TLK1: variants seen among roughly 807,000 people sequenced by gnomAD.
TLK1 encodes the protein serine/threonine-protein kinase tousled-like 1.
TLK1 carries 24 observed loss-of-function variants against 105.3 expected under a neutral mutation model. The ratio of observed to expected loss-of-function variants is 0.23; its 90% confidence interval spans 0.17 to 0.32. The LOEUF is 0.32. Among genes scored for constraint, TLK1 ranks in the 10% least tolerant of loss-of-function variants. The pLI is 1.00. For missense variants in TLK1, 558 were observed against 910.5 expected (o/e 0.61, Z 4.98); for synonymous variants, 321 against 310.4 (o/e 1.03, Z -0.36).
At chr2:171,118,801 A>G (rs190695665) in intron 1 of TLK1, among the ~76,000 whole-genome samples, 1 of 152,270 alleles carries the variant, frequency 6.6e-6, no homozygotes, top group East Asian at 1.9e-4. Flanking sequence ...CCCCTTCCAC[A>G]CATCCTGACA....
intron 2 of TLK1, among the ~76,000 whole-genome samples, chr2:171,098,645 T>C (rs1047642396): frequency 2.6e-5 from 4 of 152,150 alleles, no homozygotes; most frequent in African/African-American, 7.2e-5. Flanking sequence ...TATTACCTGA[T>C]AGTGAAACCA....
chr2:171,151,409 G>A (rs910137742), intron 1 of TLK1, among the ~76,000 whole-genome samples: 1 of 150,866 alleles, frequency 6.6e-6, no homozygotes, highest in African/African-American at 2.4e-5. Flanking sequence ...GTTAGGAGAA[G>A]CAAATGAATT....
intron 3 of TLK1, among the ~76,000 whole-genome samples, chr2:171,070,544 T>C (rs1045446489): frequency 6.6e-6 from 1 of 152,190 alleles, no homozygotes; most frequent in Non-Finnish European, 1.5e-5. Flanking sequence ...TTTCTGTGCC[T>C]GGCTTATTTC....
intron 1 of TLK1, among the ~76,000 whole-genome samples, chr2:171,172,452 A>G (rs1339435738): frequency 6.6e-6 from 1 of 152,178 alleles, no homozygotes; most frequent in Non-Finnish European, 1.5e-5. Flanking sequence ...CACACACACA[A>G]TACAAAATTA....
chr2:171,117,536 C>T lies in TLK1; in HGVS notation c.258+203G>A, dbSNP rs571517566. 4.6e-5 allele frequency among the ~76,000 whole-genome samples: 7 copies of T among 152,168 alleles called. 1 individual carries two copies. Among genetic ancestry groups the T allele is most frequent in the Admixed American group, 3.9e-4 (6 of 15,290 alleles). On this transcript the variant is annotated intron_variant, in intron 2 of 20. Transcript: ENST00000431350. ...ACAATCTACCAAACTCCTTTTTATC[C>T]CTGAAACATATTATGCTGTATTATA...
intron 3 of TLK1, chr2:171,066,778 T>A: frequency 6.6e-7 from 1 of 1,507,046 alleles, no homozygotes; most frequent in Non-Finnish European, 9.0e-7. Flanking sequence ...TAAGGCTTTA[T>A]TTGTTAAACA....
intron 1 of TLK1, among the ~76,000 whole-genome samples, chr2:171,155,045 C>A (rs1692181329): frequency 6.6e-6 from 1 of 152,054 alleles, no homozygotes; most frequent in Admixed American, 6.6e-5. Context: ...AATTTAAATT[C>A]TTCATTTTAT....
rs917596270 is a variant in TLK1, at chr2:170,999,915, T to C, written c.1905-2092A>G. Among the ~76,000 whole-genome samples, 54 of 152,146 alleles carry C rather than the reference T, an allele frequency of 3.5e-4. 1 individual carries two copies. The East Asian group carries it at 9.3e-3, about 26-fold the overall frequency. Reference sequence around the variant, plus strand: ...CTGGGACCACAGGCACACACCACCATGCCTGGCTAATTTTTTTAAAAAATT... The same window carrying C: ...CTGGGACCACAGGCACACACCACCACGCCTGGCTAATTTTTTTAAAAAATT... On this transcript the variant is annotated intron_variant, in intron 18 of 20. Coordinates refer to ENST00000431350, the MANE Select transcript of TLK1 (RefSeq NM_012290.5).
chr2:171,019,928 C>T (rs1423297343), intron 12 of TLK1, among the ~76,000 whole-genome samples: 1 of 151,882 alleles, frequency 6.6e-6, no homozygotes, highest in Non-Finnish European at 1.5e-5. Context: ...CGTGGTGGTG[C>T]TCGCCTATAA....
chr2:171,100,917 AC>A (rs1689662580), intron 2 of TLK1, among the ~76,000 whole-genome samples: 1 of 152,212 alleles, frequency 6.6e-6, no homozygotes, highest in African/African-American at 2.4e-5. Context: ...GGAAACAACC[AC>A]CCAATGTCCA....
chr2:171,184,675 T>C (rs926046238), intron 1 of TLK1, among the ~76,000 whole-genome samples: 1 of 151,450 alleles, frequency 6.6e-6, no homozygotes, highest in African/African-American at 2.4e-5. Context: ...AAAACTAGTA[T>C]ATCTTTCTAA....
intron 1 of TLK1, among the ~76,000 whole-genome samples, chr2:171,220,774 G>A (rs948350512): frequency 6.6e-6 from 1 of 151,820 alleles, no homozygotes; most frequent in African/African-American, 2.4e-5. Flanking sequence ...AGGTAGTGAT[G>A]TGGGAGAAGG....
At chr2:171,224,675 T>C (rs1408792216) in intron 1 of TLK1, among the ~76,000 whole-genome samples, 1 of 152,188 alleles carries the variant, frequency 6.6e-6, no homozygotes, top group Non-Finnish European at 1.5e-5. Flanking sequence ...TCCCAGCTAC[T>C]TTTTTAATTT....
chr2:171,174,310 C>T (rs1403625063), intron 1 of TLK1, among the ~76,000 whole-genome samples: 1 of 152,040 alleles, frequency 6.6e-6, no homozygotes, highest in East Asian at 1.9e-4. Context: ...TTCTTTCCCC[C>T]ACCCTTTTCC....
At chr2:171,060,068 C>T (rs1368556990) in intron 4 of TLK1, 1 of 1,587,006 alleles carries the variant, frequency 6.3e-7, no homozygotes, top group Non-Finnish European at 8.6e-7. Context: ...ACACTGAAAG[C>T]CAGACTAAAG....
At chr2:171,089,687 A>G (rs13030784) in intron 2 of TLK1, among the ~76,000 whole-genome samples, 59,285 of 151,916 alleles carry the variant, frequency 0.39, 12,935 homozygotes, top group African/African-American at 0.57. Context: ...TTATTTTTTA[A>G]GAGACCAGGT....
chr2:171,038,676 C>T (rs942099595), intron 11 of TLK1, among the ~76,000 whole-genome samples: 4 of 152,114 alleles, frequency 2.6e-5, no homozygotes, highest in African/African-American at 9.7e-5. Flanking sequence ...TGGAGTTCTA[C>T]CAATGACTAA....
At chr2:171,127,831 T>C (rs940791904) in intron 1 of TLK1, among the ~76,000 whole-genome samples, 2 of 152,170 alleles carry the variant, frequency 1.3e-5, no homozygotes, top group Non-Finnish European at 2.9e-5. Flanking sequence ...CACTAAACTA[T>C]TTATCTGTTT....
At chr2:171,053,928 C>A (rs1196445962) in intron 7 of TLK1, 75 bp from the exon 8 acceptor site, 4 of 1,121,876 alleles carry the variant, frequency 3.6e-6, no homozygotes, top group African/African-American at 1.6e-5. Context: ...AGATTTTACT[C>A]CAAATTCAAA....
Sources: allele counts gnomAD v4.1 joint callset (sites outside exome capture counted in the v4.1 genomes callset), GRCh38; gene constraint gnomAD v4.1.1; transcripts MANE v1.5; gene names NCBI Gene and HGNC (gene_info 2026-07-23, HGNC 2026-07-21).